SNX16: variants seen among roughly 807,000 people sequenced by gnomAD.
The protein encoded by SNX16 is sorting nexin-16.
Under a neutral mutation model 36.7 loss-of-function variants are expected in SNX16, and 35 were observed. The ratio of observed to expected loss-of-function variants is 0.95; its 90% confidence interval spans 0.73 to 1.27. The LOEUF is 1.27. SNX16 is among the 50% of genes most tolerant of loss of function. SNX16 has a pLI of 0.00. For missense variants in SNX16, 367 were observed against 393.6 expected, an observed-to-expected ratio of 0.93 and a Z score of 0.57; for synonymous variants, 134 against 132.0, an observed-to-expected ratio of 1.02 and a Z score of -0.10.
intron 2 of SNX16, among the ~76,000 whole-genome samples, chr8:81,834,261 T>G (rs1048355934): frequency 1.3e-5 from 2 of 152,148 alleles, no homozygotes; most frequent in African/African-American, 2.4e-5. Flanking sequence ...AAGAACAGCA[T>G]GGGAAAGACC....
intron 5 of SNX16, among the ~76,000 whole-genome samples, chr8:81,806,820 T>C (rs985462069): frequency 6.6e-6 from 1 of 151,970 alleles, no homozygotes; most frequent in Non-Finnish European, 1.5e-5. Flanking sequence ...ACAAAATAGA[T>C]ATATAAAAAT....
rs1585980586 is a variant in SNX16, at chr8:81,808,678, G to C, written c.682-5450C>G. The C allele has an allele frequency of 4.0e-6, 4 of 997,632 alleles. No homozygotes were observed. The East Asian group carries it at 9.5e-5, about 24-fold the overall frequency. The allele number at this position is 997,632 out of a possible 1,614,324, so 61.8% of individuals were successfully genotyped here. A position where few individuals can be genotyped will look rare whatever the true frequency, so the allele number is the denominator to read the frequency against. On this transcript the variant is annotated intron_variant, in intron 5 of 7. Transcript: ENST00000345957. ...TACTTTGCCAAACCACGAAACCAAG[G>C]TGGCTATGGCGGTTCCAGGAGCAGC...
chr8:81,803,116 A>T lies in SNX16; in HGVS notation c.794T>A (p.Ile265Lys). The change falls in exon 6 of 8, where the codon ATA becomes AAA. Residue 265 changes from isoleucine (I) to lysine (K), a missense_variant. Physicochemically the swap from Ile to Lys is moderately radical, Grantham distance 102. Coordinates refer to ENST00000345957, the MANE Select transcript of SNX16 (RefSeq NM_152836.3). ...KKLLSEKQLH[I>K]DTLENRIRTL... ...CCTGATTCTGTTCTCTAAAGTGTCT[A>T]TATGAAGTTGCTTCTCACTGAGCAG... The T allele has an allele frequency of 1.2e-6, 2 of 1,610,458 alleles. No individual in the cohort carries two copies. Among genetic ancestry groups the T allele is most frequent in the Non-Finnish European group, 1.7e-6 (2 of 1,178,396 alleles).
chr8:81,814,404 A>G (rs2130653036), intron 5 of SNX16, among the ~76,000 whole-genome samples: 1 of 152,208 alleles, frequency 6.6e-6, no homozygotes, highest in South Asian at 2.1e-4. Flanking sequence ...GTATGATTTT[A>G]TTTATATGAA....
chr8:81,840,842 T>C (rs1337574166), intron 1 of SNX16, among the ~76,000 whole-genome samples: 2 of 152,242 alleles, frequency 1.3e-5, no homozygotes, highest in African/African-American at 4.8e-5. Flanking sequence ...GTATATCTTG[T>C]GTCAGAATAG....
At chr8:81,802,575 G>A (rs2130571921) in intron 6 of SNX16, 76 bp from the exon 7 acceptor site, 4 of 1,288,238 alleles carry the variant, frequency 3.1e-6, no homozygotes, top group East Asian at 2.5e-5. Flanking sequence ...AATACAGGTA[G>A]CTATAGCAGT....
intron 2 of SNX16, among the ~76,000 whole-genome samples, chr8:81,829,805 T>A (rs1811171717): frequency 6.6e-6 from 1 of 152,114 alleles, no homozygotes. Flanking sequence ...GTCAATATAT[T>A]CTAAAATTGA....
chr8:81,811,427 T>C (rs1810244669), intron 5 of SNX16, among the ~76,000 whole-genome samples: 1 of 152,152 alleles, frequency 6.6e-6, no homozygotes, highest in Admixed American at 6.5e-5. Flanking sequence ...ACCTTAACTT[T>C]AAATACACTC....
chr8:81,840,127 A>G, intron 1 of SNX16, 45 bp from the exon 2 acceptor site: 2 of 927,742 alleles, frequency 2.2e-6, no homozygotes, highest in Admixed American at 5.1e-5. Context: ...TTTAATGTGC[A>G]GCAGGATTCA....
At position 81,807,800 on chromosome 8, in the gene SNX16, C is replaced by A; in HGVS notation, c.682-4572G>T. ...TCTAAGTCAGAGTCTCCTAAAGAGC[C>A]CAAACAGCTGAGGAAGCTTTTCACT... On this transcript the variant is annotated intron_variant, in intron 5 of 7. Coordinates refer to ENST00000345957, the MANE Select transcript of SNX16 (RefSeq NM_152836.3). 5.4e-6 allele frequency: 4 copies of A among 739,570 alleles called. No individual in the cohort carries two copies. In the Admixed American group the frequency reaches 7.2e-5, roughly 13 times the overall value. The allele number at this position is 739,570 out of a possible 1,614,324, so 45.8% of individuals were successfully genotyped here. A position where few individuals can be genotyped will look rare whatever the true frequency, so the allele number is the denominator to read the frequency against.
chr8:81,833,503 A>G (rs1044104855), intron 2 of SNX16, among the ~76,000 whole-genome samples: 3 of 152,208 alleles, frequency 2.0e-5, no homozygotes, highest in African/African-American at 7.2e-5. Context: ...AAAAGTTGCA[A>G]TGGGAATACA....
intron 4 of SNX16, 65 bp from the exon 5 acceptor site, chr8:81,815,459 A>G: frequency 1.4e-6 from 2 of 1,393,358 alleles, no homozygotes; most frequent in Admixed American, 1.8e-5. Context: ...GCAAAAAGCA[A>G]AAGTTACTTT....
intron 5 of SNX16, chr8:81,808,277 C>T: frequency 8.8e-7 from 1 of 1,136,728 alleles, no homozygotes. Context: ...AAACACTATA[C>T]CATGAATGGC....
chr8:81,839,647 C>T lies in SNX16; in HGVS notation c.340G>A (p.Gly114Ser), dbSNP rs1811646659. ...GCTCTTTCTTCCATCACTTCATAAC[C>T]CAGTATAGTAGGTGTAGATGGTCTA... is the stretch of plus-strand genomic sequence containing the variant. ...EDRPSTPTIL[G>S]YEVMEERAKF... is the part of the protein sequence containing the mutation. The change falls in exon 2 of 8, where the codon GGT becomes AGT. Residue 114 changes from glycine (G) to serine (S), a missense_variant. Coordinates refer to ENST00000345957, the MANE Select transcript of SNX16 (RefSeq NM_152836.3). The T allele has an allele frequency of 6.2e-7, 1 of 1,613,502 alleles. No individual in the cohort carries two copies. The highest frequency in any genetic ancestry group is 1.3e-5 in the African/African-American group (1 of 74,878).
intron 2 of SNX16, among the ~76,000 whole-genome samples, chr8:81,837,894 A>C (rs1811561491): frequency 6.6e-6 from 1 of 152,236 alleles, no homozygotes; most frequent in Non-Finnish European, 1.5e-5. Flanking sequence ...ATAATTTTAA[A>C]GACTGCCTCT....
At chr8:81,827,316 A>AT (rs55836138) in intron 3 of SNX16, among the ~76,000 whole-genome samples, 3,960 of 152,056 alleles carry the variant, frequency 0.026, 181 homozygotes, top group East Asian at 0.14. Context: ...AAAATAATGG[A>AT]TTTTTTTTCA....
chr8:81,834,950 C>A (rs1364256492), intron 2 of SNX16, among the ~76,000 whole-genome samples: 1 of 152,230 alleles, frequency 6.6e-6, no homozygotes, highest in Non-Finnish European at 1.5e-5. Flanking sequence ...GTATGGGGCT[C>A]TGACCCCACA....
chr8:81,829,878 AC>A (rs1811175536), intron 2 of SNX16, among the ~76,000 whole-genome samples: 2 of 152,182 alleles, frequency 1.3e-5, no homozygotes, highest in African/African-American at 2.4e-5. Flanking sequence ...CAATTTTTAA[AC>A]TTAATAACTA....
rs768662795 is a variant in SNX16, at chr8:81,837,852, TC to T, written c.375+1759del. On this transcript the variant is annotated intron_variant, in intron 2 of 7. Coordinates refer to ENST00000345957, the MANE Select transcript of SNX16 (RefSeq NM_152836.3). ...CTAAAAAGAGAGAGAGAGACAGAGT[TC>T]CCTGAAGATTTCCTATATCACAGTC... Among the ~76,000 whole-genome samples the T allele has an allele frequency of 7.5e-4, 114 of 152,300 alleles. 1 individual carries two copies. The highest frequency in any genetic ancestry group is 1.4e-3 in the Non-Finnish European group (98 of 68,014).
Sources: gnomAD v4.1 joint callset for allele counts (sites outside exome capture counted in the v4.1 genomes callset) on GRCh38, gnomAD v4.1.1 for gene constraint, MANE v1.5 for transcripts, NCBI Gene and HGNC (gene_info 2026-07-23, HGNC 2026-07-21) for gene names.